GAS2: variants seen among roughly 807,000 people sequenced by gnomAD.
The protein encoded by GAS2 is growth arrest-specific protein 2.
GAS2 carries 20 observed loss-of-function variants against 37.5 expected under a neutral mutation model. The ratio of observed to expected loss-of-function variants is 0.53; its 90% CI spans 0.37 to 0.77. The LOEUF is 0.77. Ranked by LOEUF, GAS2 falls within the 30% of genes least tolerant of loss-of-function variation. GAS2 has a pLI of 0.00. For missense variants in GAS2, 336 were observed against 373.4 expected (o/e 0.90, Z 0.82); for synonymous variants, 144 against 132.2 (o/e 1.09, Z -0.61).
At chr11:22,800,000 T>C (rs532744402) in intron 7 of GAS2, among the ~76,000 whole-genome samples, 3 of 152,198 alleles carry the variant, frequency 2.0e-5, no homozygotes, top group African/African-American at 4.8e-5. Flanking sequence ...CAGGAAACTT[T>C]CTTGGGATTT....
At chr11:22,652,394 C>T (rs1036821350) in intron 1 of GAS2, among the ~76,000 whole-genome samples, 1 of 152,218 alleles carries the variant, frequency 6.6e-6, no homozygotes, top group Non-Finnish European at 1.5e-5. Context: ...GCCCTGCCCC[C>T]AGAGGTGGAG....
intron 2 of GAS2, among the ~76,000 whole-genome samples, chr11:22,684,211 A>T (rs1244222865): frequency 6.6e-6 from 1 of 152,180 alleles, no homozygotes; most frequent in Non-Finnish European, 1.5e-5. Context: ...GAATACAGGG[A>T]GACCTTTGGA....
intron 1 of GAS2, among the ~76,000 whole-genome samples, chr11:22,638,830 C>G (rs931284396): frequency 2.6e-5 from 4 of 152,012 alleles, no homozygotes; most frequent in Non-Finnish European, 5.9e-5. Flanking sequence ...GAATTGGACT[C>G]CACATCTTCA....
At chr11:22,668,645 G>A (rs1040361170) in intron 1 of GAS2, among the ~76,000 whole-genome samples, 2 of 152,090 alleles carry the variant, frequency 1.3e-5, no homozygotes, top group East Asian at 1.9e-4. Flanking sequence ...TCAAACTTTC[G>A]AGTATGGTGA....
intron 4 of GAS2, among the ~76,000 whole-genome samples, chr11:22,732,750 C>T (rs1321812231): frequency 6.8e-6 from 1 of 147,202 alleles, no homozygotes; most frequent in Non-Finnish European, 1.5e-5. Flanking sequence ...ATCCAACATT[C>T]GCATTATTTC....
rs541544436 is a variant in GAS2 at position 22,649,017 on chromosome 11, A to G, written c.-21+23204A>G. Among the ~76,000 whole-genome samples, 165 of 152,256 alleles carry G rather than the reference A, an allele frequency of 1.1e-3. 1 individual carries two copies. The highest frequency in any genetic ancestry group is 6.8e-3 in the Middle Eastern group (2 of 294). ...GCCAGTTGTCAAAGGGAATGCTTCC[A>G]GTTTTTGCCCATTCAGTATGATATT... is the stretch of plus-strand genomic sequence containing the variant. On this transcript the variant is annotated intron_variant, in intron 1 of 5. Coordinates refer to the GAS2 transcript ENST00000528582.
intron 4 of GAS2, among the ~76,000 whole-genome samples, chr11:22,735,895 T>C (rs1852728606): frequency 6.6e-6 from 1 of 151,816 alleles, no homozygotes; most frequent in African/African-American, 2.4e-5. Flanking sequence ...TCACACAGCT[T>C]TTACTTAGGA....
intron 7 of GAS2, among the ~76,000 whole-genome samples, chr11:22,770,780 GA>G (rs1854937927): frequency 1.3e-5 from 2 of 152,272 alleles, no homozygotes; most frequent in African/African-American, 4.8e-5. Context: ...TGAAAATATG[GA>G]AATAGTTATT....
intron 5 of GAS2, among the ~76,000 whole-genome samples, chr11:22,743,808 A>T (rs1853228120): frequency 6.6e-6 from 1 of 152,188 alleles, no homozygotes; most frequent in African/African-American, 2.4e-5. Flanking sequence ...AGCATAACTG[A>T]AGAAAATTGA....
chr11:22,690,047 T>C (rs1055920517), intron 3 of GAS2, among the ~76,000 whole-genome samples: 1 of 152,204 alleles, frequency 6.6e-6, no homozygotes, highest in Non-Finnish European at 1.5e-5. Context: ...AATTTTTTTC[T>C]AGCAGCTTTA....
chr11:22,708,291 T>C (rs1450558550), intron 3 of GAS2, among the ~76,000 whole-genome samples: 1 of 152,190 alleles, frequency 6.6e-6, no homozygotes, highest in Admixed American at 6.6e-5. Flanking sequence ...GTTTATGTTT[T>C]TTAGTGATTA....
chr11:22,699,349 AT>A (rs1236352435), intron 3 of GAS2, among the ~76,000 whole-genome samples: 1 of 152,156 alleles, frequency 6.6e-6, no homozygotes, highest in Non-Finnish European at 1.5e-5. Context: ...GGGAAGAGAA[AT>A]GCCTTGTGGG....
chr11:22,656,214 T>C (rs1848852842), intron 1 of GAS2, among the ~76,000 whole-genome samples: 1 of 152,192 alleles, frequency 6.6e-6, no homozygotes, highest in Non-Finnish European at 1.5e-5. Flanking sequence ...ATTTTGGGGG[T>C]TTAAACTTGG....
intron 1 of GAS2, chr11:22,668,456 T>A (rs778390291): frequency 1.3e-5 from 2 of 152,294 alleles, no homozygotes; most frequent in Non-Finnish European, 2.9e-5. Flanking sequence ...TCAGCCTGAA[T>A]GCTACTGAAG....
At chr11:22,640,302 T>C (rs1030878785) in intron 1 of GAS2, among the ~76,000 whole-genome samples, 4 of 152,224 alleles carry the variant, frequency 2.6e-5, no homozygotes, top group African/African-American at 9.6e-5. Flanking sequence ...ATGTATATTC[T>C]ACAAATTAGA....
intron 7 of GAS2, among the ~76,000 whole-genome samples, chr11:22,769,405 G>A (rs1283305962): frequency 6.6e-6 from 1 of 152,192 alleles, no homozygotes; most frequent in African/African-American, 2.4e-5. Flanking sequence ...AGTACTGAAA[G>A]AATTCCAGGT....
intron 3 of GAS2, among the ~76,000 whole-genome samples, chr11:22,712,680 CA>C (rs1851465074): frequency 6.6e-6 from 1 of 152,092 alleles, no homozygotes; most frequent in South Asian, 2.1e-4. Context: ...AGCTGTCCAG[CA>C]ATGGTCTAAA....
intron 7 of GAS2, among the ~76,000 whole-genome samples, chr11:22,809,566 C>T (rs564589598): frequency 6.6e-5 from 10 of 152,120 alleles, no homozygotes; most frequent in Admixed American, 5.9e-4. Context: ...CAGCTCACTG[C>T]CACCTCTGCC....
chr11:22,727,326 A>G (rs1476977315), intron 4 of GAS2, among the ~76,000 whole-genome samples: 1 of 152,094 alleles, frequency 6.6e-6, no homozygotes, highest in Non-Finnish European at 1.5e-5. Flanking sequence ...TAGGTCATAT[A>G]ATAACAAATA....
Sources: allele counts gnomAD v4.1 joint callset (sites outside exome capture counted in the v4.1 genomes callset), GRCh38; gene constraint gnomAD v4.1.1; transcripts MANE v1.5; gene names NCBI Gene and HGNC (gene_info 2026-07-23, HGNC 2026-07-21).